The following HSPB7 variants were observed in gnomAD, a reference collection of about 807,000 sequenced individuals.
The protein encoded by HSPB7 is heat shock protein beta-7.
Under a neutral mutation model 11.0 loss-of-function variants are expected in HSPB7, and 9 were observed. The observed-to-expected ratio is 0.82, with a 90% CI of 0.49 to 1.43. The LOEUF (loss-of-function observed/expected upper bound fraction) is 1.43, where lower values mean the gene tolerates loss of function less well. Ranked by LOEUF, HSPB7 falls within the 40% of genes most tolerant of loss-of-function variation. The pLI is 0.00. For synonymous variants in HSPB7, 102 were observed against 101.6 expected (o/e 1.00, Z -0.02); for missense variants, 246 against 243.9 (o/e 1.01, Z -0.06).
rs143636240 is a variant in HSPB7 at position 16,017,813 on chromosome 1, C to T, written c.151G>A (p.Asp51Asn). The change falls in exon 1 of 3, where the codon GAC becomes AAC. Residue 51 changes from aspartate to asparagine, a missense_variant. Physicochemically the swap from Asp to Asn is conservative, Grantham distance 23. Transcript: ENST00000311890. ...TGGGGCCGCATGAAGCTGCCAAAGT[C>T]ATCGGAAAACATGCTCAGGGCCTTC... ...MEKALSMFSDDFGSFMRPHSE... is the reference protein window; with the variant it reads ...MEKALSMFSDNFGSFMRPHSE... 5.4e-4 allele frequency: 866 copies of T among 1,613,372 alleles called. 7 individuals carry two copies. In the African/African-American group the frequency reaches 9.7e-3, roughly 18 times the overall value.
chr1:16,019,337 G>C, upstream of HSPB7: 1 of 1,432,104 alleles, frequency 7.0e-7, no homozygotes, highest in Non-Finnish European at 9.6e-7. Context: ...CCCCAGCACT[G>C]ACTGTCTTTG....
intron 1 of HSPB7, 88 bp downstream of exon 1, chr1:16,017,676 AC>A (rs1353075697): frequency 1.8e-6 from 2 of 1,130,898 alleles, no homozygotes; most frequent in African/African-American, 3.2e-5. Flanking sequence ...TTCCAGGCCG[AC>A]CGGCAGCCAC....
At chr1:16,018,893 A>G (rs763420509), upstream of HSPB7, 64 of 1,298,558 alleles carry the variant, frequency 4.9e-5, no homozygotes, top group Non-Finnish European at 6.1e-5. Flanking sequence ...TGATCCCCAC[A>G]CAGCTGGGAG....
chr1:16,018,923 T>C, upstream of HSPB7: 1 of 1,168,198 alleles, frequency 8.6e-7, no homozygotes. Flanking sequence ...GCTCTTCCCA[T>C]GTTACGGACG....
At chr1:16,016,832 G>T (rs773433542) in intron 2 of HSPB7, among the ~76,000 whole-genome samples, 11 of 152,092 alleles carry the variant, frequency 7.2e-5, no homozygotes, top group Non-Finnish European at 1.5e-4. Context: ...ATTCCTCGGA[G>T]GCTCCCTCAG....
upstream of HSPB7, chr1:16,018,201 G>T (rs746280726): frequency 3.3e-6 from 5 of 1,498,312 alleles, no homozygotes; most frequent in South Asian, 1.2e-5. Flanking sequence ...CACGCAGGCC[G>T]AGAGGGCTGA....
chr1:16,015,688 C>T lies in HSPB7; in HGVS notation c.405G>A (p.Thr135=), dbSNP rs771406607. The T allele has an allele frequency of 4.7e-5, 76 of 1,612,962 alleles. No homozygotes were observed. The highest frequency in any genetic ancestry group is 6.1e-5 in the Non-Finnish European group (72 of 1,179,514). ...KCQLPEDVDP[T]SVTSALREDG... is the part of the protein sequence containing the mutation. The stretch of plus-strand genomic sequence containing the variant: ...CCTCCCGCAGAGCCGAGGTCACCGA[C>T]GTCGGGTCCACGTCCTCCGGCAGCT... The change falls in exon 3 of 3, where the codon ACG becomes ACA. Residue 135 remains threonine (T), a synonymous_variant. Coordinates refer to ENST00000311890, the MANE Select transcript of HSPB7 (RefSeq NM_014424.5). This position sits in a 1 kb window ranked among gnomAD's most constrained non-coding sequence, Gnocchi z 4.9.
At chr1:16,016,142 G>A (rs963637678) in intron 2 of HSPB7, among the ~76,000 whole-genome samples, 1 of 152,252 alleles carries the variant, frequency 6.6e-6, no homozygotes, top group East Asian at 1.9e-4. Flanking sequence ...AGGGCTGAGC[G>A]CCGGCCCCTC....
At chr1:16,017,696 C>T (rs1176215237) in intron 1 of HSPB7, 69 bp downstream of exon 1, 22 of 1,353,594 alleles carry the variant, frequency 1.6e-5, no homozygotes, top group Admixed American at 2.6e-5. Context: ...ACAGCGCCTT[C>T]GGTGGCGCCC....
upstream of HSPB7, chr1:16,019,276 A>T: frequency 6.6e-7 from 1 of 1,521,074 alleles, no homozygotes; most frequent in South Asian, 1.2e-5. Context: ...TCCCCCAGGG[A>T]GGCCTCTCTG....
At chr1:16,018,882 T>G (rs2021954771), upstream of HSPB7, 1 of 1,331,410 alleles carries the variant, frequency 7.5e-7, no homozygotes, top group South Asian at 1.8e-5. Flanking sequence ...ACGGCCCCGT[T>G]TGATCCCCAC....
chr1:16,017,309 C>T, intron 1 of HSPB7, 102 bp from the exon 2 acceptor site: 1 of 1,463,448 alleles, frequency 6.8e-7, no homozygotes. Context: ...TCCCCCAGGC[C>T]CTACCTCCCC....
intron 1 of HSPB7, 186 bp from the exon 2 acceptor site, chr1:16,017,393 CAG>C: frequency 9.9e-6 from 7 of 708,410 alleles, no homozygotes; most frequent in East Asian, 2.7e-5. Context: ...GGGCCTCACC[CAG>C]CACAGTGTGT....
At position 16,015,531 on chromosome 1, in the gene HSPB7, T is replaced by C; in HGVS notation, c.*49A>G. The C allele has an allele frequency of 6.3e-7, 1 of 1,582,844 alleles. No homozygotes were observed. The highest frequency in any genetic ancestry group is 8.7e-7 in the Non-Finnish European group (1 of 1,153,520). ...TGTTGTAATGGGGTTAGCGAGGCTT[T>C]GCTGGCAGGCGTGGGGCGGGGGGAC... On this transcript the variant is annotated 3_prime_UTR_variant, in exon 3 of 3. Coordinates refer to ENST00000311890, the MANE Select transcript of HSPB7 (RefSeq NM_014424.5). This position sits in a 1 kb window ranked among gnomAD's most constrained non-coding sequence, Gnocchi z 4.9.
At chr1:16,019,171 G>A (rs886880394), upstream of HSPB7, 17 of 1,550,492 alleles carry the variant, frequency 1.1e-5, no homozygotes, top group East Asian at 2.2e-4. Context: ...TCTGAGAGGC[G>A]GCCAGGCCCT....
intron 1 of HSPB7, chr1:16,017,543 C>T: frequency 1.7e-6 from 1 of 593,416 alleles, no homozygotes. Context: ...GGCCATGGAA[C>T]CATGTCCAAC....
chr1:16,016,984 T>C, intron 2 of HSPB7, 90 bp downstream of exon 2: 1 of 1,336,212 alleles, frequency 7.5e-7, no homozygotes. Flanking sequence ...CTGGCCAGGG[T>C]CTGGGGTCCC....
chr1:16,019,490 A>G (rs1324765028), upstream of HSPB7: 2 of 1,529,248 alleles, frequency 1.3e-6, no homozygotes, highest in Non-Finnish European at 1.8e-6. Context: ...GTTCTTGAAG[A>G]CGGGCAGTTT....
chr1:16,017,023 G>T (rs530504261), intron 2 of HSPB7, 51 bp downstream of exon 2: 2 of 1,572,262 alleles, frequency 1.3e-6, no homozygotes, highest in Non-Finnish European at 8.7e-7. Context: ...AGGAGACATT[G>T]GAGGCAGGAG....
Sources: gnomAD v4.1 joint callset for allele counts (sites outside exome capture counted in the v4.1 genomes callset) on GRCh38, gnomAD v4.1.1 for gene constraint, Gnocchi (gnomAD v3.1) non-coding constraint, MANE v1.5 for transcripts, NCBI Gene and HGNC (gene_info 2026-07-23, HGNC 2026-07-21) for gene names.